OR6N1: variants seen among roughly 807,000 people sequenced by gnomAD.
OR6N1 encodes olfactory receptor 6N1.
For missense variants in OR6N1, 394 were observed against 371.7 expected, an observed-to-expected ratio of 1.06 and a Z score of -0.49; for synonymous variants, 170 against 150.7, an observed-to-expected ratio of 1.13 and a Z score of -0.94.
intron 1 of OR6N1, among the ~76,000 whole-genome samples, chr1:158,770,834 G>A (rs1261052448): frequency 1.3e-5 from 2 of 152,152 alleles, no homozygotes; most frequent in Non-Finnish European, 2.9e-5. Context: ...TGGATTTACA[G>A]CACTGGAAGC....
chr1:158,827,188 T>C, the OR6N1 span, among the ~76,000 whole-genome samples: 3 of 152,214 alleles, frequency 2.0e-5, no homozygotes, highest in African/African-American at 7.2e-5. Context: ...AAACATTTCT[T>C]CCACTGCACT....
upstream of OR6N1, among the ~76,000 whole-genome samples, chr1:158,772,889 A>G (rs1303337973): frequency 6.6e-6 from 1 of 152,232 alleles, no homozygotes; most frequent in Non-Finnish European, 1.5e-5. Flanking sequence ...GAGGTGATAA[A>G]TATGTTAATT....
chr1:158,836,202 G>A, the OR6N1 span, among the ~76,000 whole-genome samples: 1 of 151,882 alleles, frequency 6.6e-6, no homozygotes, highest in East Asian at 1.9e-4. Context: ...TTTTTCTAGT[G>A]CCTCTGTCTG....
the OR6N1 span, among the ~76,000 whole-genome samples, chr1:158,794,407 C>G: frequency 1.3e-5 from 2 of 152,132 alleles, no homozygotes; most frequent in African/African-American, 4.8e-5. Flanking sequence ...TGATGCACTC[C>G]CCCTTCCCCT....
intron 1 of OR6N1, 21 bp from the exon 2 acceptor site, chr1:158,766,721 G>T: frequency 6.7e-7 from 1 of 1,491,542 alleles, no homozygotes; most frequent in Non-Finnish European, 9.1e-7. Flanking sequence ...AGTGTGGAAG[G>T]ATAGGAAAGA....
At chr1:158,832,059 T>C in the OR6N1 span, among the ~76,000 whole-genome samples, 1 of 152,196 alleles carries the variant, frequency 6.6e-6, no homozygotes, top group African/African-American at 2.4e-5. Context: ...CTTTACATTT[T>C]CATGAATCAG....
Position 158,766,149 on chromosome 1 carries a change from A to G in OR6N1, c.534T>C (p.Phe178=), listed in dbSNP as rs1392139369. Residue 178 remains phenylalanine (F), a synonymous_variant, in exon 2 of 2, where the codon TTT becomes TTC. Transcript: ENST00000641846. ...AACTCAGCACAGGAGGGAAGTCACA[A>G]AAGACGTGCTGAATGCGATTGGGGC... is the stretch of plus-strand genomic sequence containing the variant. The part of the protein sequence containing the change: ...FCGPNRIQHV[F]CDFPPVLSLA... The G allele has an allele frequency of 6.2e-6, 10 of 1,614,036 alleles. No homozygotes were observed. The highest frequency in any genetic ancestry group is 8.5e-6 in the Non-Finnish European group (10 of 1,180,044).
the OR6N1 span, among the ~76,000 whole-genome samples, chr1:158,798,899 C>A: frequency 6.6e-6 from 1 of 152,144 alleles, no homozygotes; most frequent in African/African-American, 2.4e-5. Context: ...GAAAGCAGAG[C>A]AGAACACACA....
At chr1:158,775,160 A>G (rs1415060608), upstream of OR6N1, 1 of 152,252 alleles carries the variant, frequency 6.6e-6, no homozygotes. Flanking sequence ...ATAAATTGCC[A>G]TACATATTTT....
At chr1:158,818,277 G>A in the OR6N1 span, among the ~76,000 whole-genome samples, 1 of 152,274 alleles carries the variant, frequency 6.6e-6, no homozygotes, top group African/African-American at 2.4e-5. Context: ...CATTTATATA[G>A]CCACCTTAGT....
At chr1:158,809,130 A>T in the OR6N1 span, 3 of 153,082 alleles carry the variant, frequency 2.0e-5, no homozygotes, top group South Asian at 6.2e-4. Context: ...CCACACCTCT[A>T]CAAAGGAGAG....
chr1:158,830,927 C>T, the OR6N1 span, among the ~76,000 whole-genome samples: 1 of 152,166 alleles, frequency 6.6e-6, no homozygotes, highest in African/African-American at 2.4e-5. Context: ...AACAATTTCA[C>T]AGTAGACCCA....
the OR6N1 span, among the ~76,000 whole-genome samples, chr1:158,833,718 T>C: frequency 6.6e-6 from 1 of 152,218 alleles, no homozygotes; most frequent in Non-Finnish European, 1.5e-5. Flanking sequence ...ATAAAATACG[T>C]AAGAAACCAT....
chr1:158,790,352 G>GT, the OR6N1 span, among the ~76,000 whole-genome samples: 3 of 146,738 alleles, frequency 2.0e-5, no homozygotes, highest in Admixed American at 6.7e-5. Flanking sequence ...ACTTTAGGTT[G>GT]TTTTTTTCTG....
At chr1:158,820,434 T>TGCAAA in the OR6N1 span, among the ~76,000 whole-genome samples, 4 of 152,254 alleles carry the variant, frequency 2.6e-5, no homozygotes, top group Admixed American at 1.3e-4. Context: ...TTGCCTCATT[T>TGCAAA]GCAAAACTGA....
At chr1:158,832,824 C>G in the OR6N1 span, among the ~76,000 whole-genome samples, 3 of 152,116 alleles carry the variant, frequency 2.0e-5, no homozygotes, top group Admixed American at 2.0e-4. Flanking sequence ...CAACATATGA[C>G]TGGATTTATT....
chr1:158,838,638 G>T, the OR6N1 span, among the ~76,000 whole-genome samples: 2 of 151,974 alleles, frequency 1.3e-5, no homozygotes, highest in Non-Finnish European at 2.9e-5. Context: ...CTCAAATTTG[G>T]AAAGTTTTCA....
At chr1:158,768,413 C>T (rs1052013108) in intron 1 of OR6N1, among the ~76,000 whole-genome samples, 23 of 152,174 alleles carry the variant, frequency 1.5e-4, no homozygotes, top group Non-Finnish European at 1.8e-4. Context: ...TTTCAACTGA[C>T]AAGCTAAACT....
the OR6N1 span, among the ~76,000 whole-genome samples, chr1:158,808,121 C>CTTT: frequency 4.0e-4 from 16 of 39,574 alleles, 1 homozygote; most frequent in Non-Finnish European, 4.7e-4. Context: ...CAATGACTGC[C>CTTT]TTTTTTTTTT....
Sources: allele counts gnomAD v4.1 joint callset (sites outside exome capture counted in the v4.1 genomes callset), GRCh38; gene constraint gnomAD v4.1.1; transcripts MANE v1.5; gene names NCBI Gene and HGNC (gene_info 2026-07-23, HGNC 2026-07-21).